Variants in STX8 observed in about 807,000 individuals in gnomAD.
STX8 encodes the protein syntaxin 8, also known as syntaxin-8.
In STX8, 23 loss-of-function variants were observed where a neutral mutation model predicts 37.5. That is an observed-to-expected ratio of 0.61 (90% CI 0.44 to 0.87). The LOEUF is 0.87. Ranked by LOEUF, STX8 falls within the 40% of genes least tolerant of loss-of-function variation. STX8 has a pLI of 0.00. For missense variants in STX8, 313 were observed against 284.7 expected (o/e 1.10, Z -0.71); for synonymous variants, 115 against 99.1 (o/e 1.16, Z -0.95).
chr17:9,392,468 A>G (rs1169001189), intron 6 of STX8, among the ~76,000 whole-genome samples: 1 of 152,142 alleles, frequency 6.6e-6, no homozygotes, highest in Non-Finnish European at 1.5e-5. Context: ...TTAGCTGGGC[A>G]TAGTGGCATG....
chr17:9,420,634 C>A (rs894146751), intron 6 of STX8, among the ~76,000 whole-genome samples: 1 of 152,184 alleles, frequency 6.6e-6, no homozygotes, highest in African/African-American at 2.4e-5. Flanking sequence ...TCAACACCAA[C>A]CTTCTTGAGA....
At chr17:9,573,462 C>T (rs1907765678) in intron 1 of STX8, among the ~76,000 whole-genome samples, 3 of 152,206 alleles carry the variant, frequency 2.0e-5, no homozygotes, top group South Asian at 2.1e-4. Flanking sequence ...CCACGCCCTT[C>T]GAGGTGTCCC....
intron 6 of STX8, among the ~76,000 whole-genome samples, chr17:9,464,394 A>G (rs1905521745): frequency 6.6e-6 from 1 of 152,238 alleles, no homozygotes; most frequent in African/African-American, 2.4e-5. Context: ...GCCGCTAGGT[A>G]TAATCCTTAA....
intron 7 of STX8, among the ~76,000 whole-genome samples, chr17:9,375,845 TCGTGG>T: frequency 6.6e-6 from 1 of 152,192 alleles, no homozygotes; most frequent in Middle Eastern, 3.4e-3. Flanking sequence ...GATGGGAAAA[TCGTGG>T]CAAAAGGGAG....
chr17:9,277,878 A>C (rs1039785584), intron 7 of STX8, among the ~76,000 whole-genome samples: 4 of 152,062 alleles, frequency 2.6e-5, no homozygotes, highest in African/African-American at 7.3e-5. Context: ...ATTTGGTGAG[A>C]GTGTCAGGGC....
chr17:9,261,075 CA>C (rs1482188915), intron 7 of STX8, among the ~76,000 whole-genome samples: 6 of 152,196 alleles, frequency 3.9e-5, no homozygotes, highest in Non-Finnish European at 1.5e-5. Context: ...ATGAAGACTG[CA>C]GGTGACGGGG....
chr17:9,486,916 A>AC (rs1906624282), intron 6 of STX8, among the ~76,000 whole-genome samples: 1 of 151,854 alleles, frequency 6.6e-6, no homozygotes, highest in South Asian at 2.1e-4. Context: ...GTGCCCTCCC[A>AC]CCCATAGAGG....
chr17:9,558,869 G>A lies in STX8; in HGVS notation c.118-1341C>T, dbSNP rs867177260. Among the ~76,000 whole-genome samples, 4 of 151,482 alleles carry A rather than the reference G, an allele frequency of 2.6e-5. 1 individual carries two copies. The Middle Eastern group carries it at 0.01, about 392-fold the overall frequency. On this transcript the variant is annotated intron_variant, in intron 2 of 7. Coordinates refer to ENST00000306357, the MANE Select transcript of STX8 (RefSeq NM_004853.3). ...GGGCAAAACAAGCAAACAAAAAGGC[G>A]CCACACACACCAGGCCTACGAAGAG... is the stretch of plus-strand genomic sequence containing the variant.
intron 7 of STX8, among the ~76,000 whole-genome samples, chr17:9,342,398 T>C (rs1305956840): frequency 6.6e-6 from 1 of 152,124 alleles, no homozygotes; most frequent in Non-Finnish European, 1.5e-5. Flanking sequence ...TGTTTCAGGA[T>C]GATCCAGTGG....
chr17:9,440,454 G>C (rs8077500), intron 6 of STX8, among the ~76,000 whole-genome samples: 7,628 of 151,660 alleles, frequency 0.05, 593 homozygotes, highest in African/African-American at 0.17. Flanking sequence ...ATTTACTGCA[G>C]TTATCTCCAT....
intron 6 of STX8, among the ~76,000 whole-genome samples, chr17:9,408,302 T>C (rs1402937082): frequency 1.3e-5 from 2 of 152,102 alleles, no homozygotes; most frequent in Non-Finnish European, 2.9e-5. Context: ...TAAGCGTTGG[T>C]CACTATAAGG....
At chr17:9,551,927 T>C (rs978773688) in intron 3 of STX8, among the ~76,000 whole-genome samples, 6 of 151,620 alleles carry the variant, frequency 4.0e-5, no homozygotes, top group Non-Finnish European at 8.8e-5. Flanking sequence ...TTACCAATTA[T>C]ACATTTTGCC....
At chr17:9,416,583 GGCCTT>G (rs1181849799) in intron 6 of STX8, among the ~76,000 whole-genome samples, 1 of 151,390 alleles carries the variant, frequency 6.6e-6, no homozygotes, top group African/African-American at 2.4e-5. Context: ...TGGCCAGGCT[GGCCTT>G]GAACTCCTGA....
intron 7 of STX8, among the ~76,000 whole-genome samples, chr17:9,319,228 G>GC (rs796080451): frequency 1.4e-4 from 22 of 151,994 alleles, no homozygotes; most frequent in African/African-American, 4.6e-4. Flanking sequence ...GACCGTCCTG[G>GC]CTAACACAGT....
intron 7 of STX8, among the ~76,000 whole-genome samples, chr17:9,341,893 G>A (rs1179613350): frequency 6.6e-6 from 1 of 152,162 alleles, no homozygotes; most frequent in Non-Finnish European, 1.5e-5. Flanking sequence ...TTTCCATAGG[G>A]GTAGAGGAAC....
chr17:9,404,448 G>T (rs918522983), intron 6 of STX8, among the ~76,000 whole-genome samples: 3 of 147,994 alleles, frequency 2.0e-5, no homozygotes, highest in Admixed American at 6.8e-5. Flanking sequence ...TGTCATAAAA[G>T]AAGTCAAAAG....
intron 6 of STX8, among the ~76,000 whole-genome samples, chr17:9,399,791 G>A (rs1381812531): frequency 8.6e-5 from 13 of 150,882 alleles, no homozygotes; most frequent in African/African-American, 2.7e-4. Context: ...ACTTGAACCC[G>A]GGAGGCAGAG....
intron 7 of STX8, among the ~76,000 whole-genome samples, chr17:9,322,648 T>C (rs1909613624): frequency 6.6e-6 from 1 of 152,024 alleles, no homozygotes; most frequent in Admixed American, 6.6e-5. Flanking sequence ...CATTGTATGC[T>C]TCTTGTCCAG....
intron 7 of STX8, among the ~76,000 whole-genome samples, chr17:9,300,753 T>C (rs1381400388): frequency 6.6e-6 from 1 of 152,150 alleles, no homozygotes; most frequent in Non-Finnish European, 1.5e-5. Context: ...TCTTTATTTA[T>C]TTTGCATATT....
Sources: allele counts gnomAD v4.1 joint callset (sites outside exome capture counted in the v4.1 genomes callset), GRCh38; gene constraint gnomAD v4.1.1; transcripts MANE v1.5; gene names NCBI Gene and HGNC (gene_info 2026-07-23, HGNC 2026-07-21).